The following MRTFB variants were observed in gnomAD, a reference collection of about 807,000 sequenced individuals.
MRTFB encodes myocardin related transcription factor B, also known as myocardin-related transcription factor B.
A neutral mutation model predicts 104.2 loss-of-function variants in MRTFB; 29 were observed. That is an observed-to-expected ratio of 0.28 (90% CI 0.21 to 0.38). MRTFB has a LOEUF of 0.38. MRTFB is among the 10% of genes least tolerant of loss of function. The probability of loss-of-function intolerance (pLI) is 1.00; values close to 1 mark genes in which losing one functional copy is unlikely to be tolerated. For synonymous variants in MRTFB, 535 were observed against 519.5 expected, an observed-to-expected ratio of 1.03 and a Z score of -0.41; for missense variants, 1,270 against 1,341.6, an observed-to-expected ratio of 0.95 and a Z score of 0.83.
Position 14,209,973 on chromosome 16 carries a change from GAATGTTTTA to G in MRTFB, c.155-267_155-259del, listed in dbSNP as rs534555623. ...CTATTTTTATTTTCTTGAGTACTAT[GAATGTTTTA>G]AACAACAAATACATAGCTTTGGTCA... On this transcript the variant is annotated intron_variant, in intron 3 of 16. Transcript: ENST00000571589. Among the ~76,000 whole-genome samples, 361 of 152,218 alleles carry G rather than the reference GAATGTTTTA, an allele frequency of 2.4e-3. 3 individuals are homozygous for G. Among genetic ancestry groups the G allele is most frequent in the African/African-American group, 8.3e-3 (346 of 41,548 alleles).
At chr16:14,181,067 A>G (rs2039754280) in intron 3 of MRTFB, among the ~76,000 whole-genome samples, 1 of 152,196 alleles carries the variant, frequency 6.6e-6, no homozygotes, top group African/African-American at 2.4e-5. Flanking sequence ...TATGTTCAGT[A>G]TATATTTTTA....
chr16:14,172,190 ATCTCATTGATT>A (rs2039445239), intron 3 of MRTFB, among the ~76,000 whole-genome samples: 1 of 151,874 alleles, frequency 6.6e-6, no homozygotes, highest in South Asian at 2.1e-4. Context: ...AAGGTAATAA[ATCTCATTGATT>A]TCTAATTTGT....
At chr16:14,024,566 C>G in the MRTFB span, among the ~76,000 whole-genome samples, 1 of 152,122 alleles carries the variant, frequency 6.6e-6, no homozygotes, top group African/African-American at 2.4e-5. Flanking sequence ...CAGAAAATGC[C>G]TTAGAATTGC....
intron 10 of MRTFB, 173 bp downstream of exon 10, chr16:14,240,657 C>G (rs921932739): frequency 1.8e-6 from 2 of 1,106,510 alleles, no homozygotes; most frequent in Non-Finnish European, 1.4e-6. Flanking sequence ...TGAGAGTGGC[C>G]TGCATTCCAT....
At chr16:14,167,947 GGAGTGCT>G (rs1479001151) in intron 3 of MRTFB, among the ~76,000 whole-genome samples, 1 of 151,794 alleles carries the variant, frequency 6.6e-6, no homozygotes, top group African/African-American at 2.4e-5. Flanking sequence ...TCAGCCTTCC[GGAGTGCT>G]GAGATTACAG....
chr16:14,146,833 G>T (rs1302409035), intron 3 of MRTFB, among the ~76,000 whole-genome samples: 1 of 152,192 alleles, frequency 6.6e-6, no homozygotes. Flanking sequence ...GAGGCCATAG[G>T]TGAGCTGGTA....
At chr16:14,245,850 C>G (rs1597366821) in intron 11 of MRTFB, among the ~76,000 whole-genome samples, 190 bp downstream of exon 11, 1 of 152,340 alleles carries the variant, frequency 6.6e-6, no homozygotes, top group Non-Finnish European at 1.5e-5. Flanking sequence ...CAATAACTGT[C>G]ATTTACTGAG....
chr16:14,258,209 C>T, intron 16 of MRTFB, 48 bp downstream of exon 16: 1 of 1,524,316 alleles, frequency 6.6e-7, no homozygotes, highest in Non-Finnish European at 9.1e-7. Context: ...ATCTCTTAAC[C>T]CAAGTTCATG....
the MRTFB span, among the ~76,000 whole-genome samples, chr16:14,056,056 G>A: frequency 6.6e-6 from 1 of 152,110 alleles, no homozygotes; most frequent in South Asian, 2.1e-4. Flanking sequence ...TCGGCTCACT[G>A]CAACCTCTGC....
intron 3 of MRTFB, among the ~76,000 whole-genome samples, chr16:14,156,610 C>G (rs534905586): frequency 5.9e-5 from 9 of 152,244 alleles, no homozygotes; most frequent in African/African-American, 1.9e-4. Flanking sequence ...TCCATTGGTT[C>G]AAGAAGTCAT....
chr16:14,151,812 T>C (rs780645497), intron 3 of MRTFB: 7 of 152,170 alleles, frequency 4.6e-5, no homozygotes, highest in Non-Finnish European at 1.0e-4. Flanking sequence ...TTTTCAAATA[T>C]TAAAGCATGT....
upstream of MRTFB, among the ~76,000 whole-genome samples, chr16:14,068,210 TAA>T (rs2033542117): frequency 6.6e-6 from 1 of 152,200 alleles, no homozygotes; most frequent in African/African-American, 2.4e-5. Context: ...GAGGAAAGGA[TAA>T]AATATCACAA....
chr16:14,087,147 G>A (rs1443090525), intron 2 of MRTFB, among the ~76,000 whole-genome samples: 3 of 152,148 alleles, frequency 2.0e-5, no homozygotes, highest in Non-Finnish European at 4.4e-5. Context: ...GCCAACACTC[G>A]GGGCTTACTT....
At chr16:14,090,057 A>G (rs1345823919) in intron 2 of MRTFB, among the ~76,000 whole-genome samples, 2 of 152,102 alleles carry the variant, frequency 1.3e-5, no homozygotes, top group Non-Finnish European at 2.9e-5. Flanking sequence ...CTTATCAGAT[A>G]TATGAATTGT....
chr16:14,164,955 A>G (rs929336738), intron 3 of MRTFB, among the ~76,000 whole-genome samples: 1 of 151,962 alleles, frequency 6.6e-6, no homozygotes. Context: ...ACAAAATTAA[A>G]AAAAAAAAAA....
At chr16:14,237,234 A>C (rs1258484518) in intron 9 of MRTFB, among the ~76,000 whole-genome samples, 1 of 152,240 alleles carries the variant, frequency 6.6e-6, no homozygotes, top group African/African-American at 2.4e-5. Context: ...TACAGGTGAA[A>C]AAGCTGTGCA....
intron 12 of MRTFB, 68 bp downstream of exon 12, chr16:14,247,575 G>T: frequency 6.4e-6 from 9 of 1,415,666 alleles, no homozygotes; most frequent in Non-Finnish European, 8.5e-6. Flanking sequence ...GCTAAGGAAG[G>T]CACCATACCT....
At chr16:14,012,525 C>T in the MRTFB span, among the ~76,000 whole-genome samples, 1 of 151,942 alleles carries the variant, frequency 6.6e-6, no homozygotes, top group African/African-American at 2.4e-5. Context: ...GTCTCGATCT[C>T]CTGACCTCGA....
chr16:14,174,576 G>A (rs931110855), intron 3 of MRTFB, among the ~76,000 whole-genome samples: 2 of 152,056 alleles, frequency 1.3e-5, no homozygotes, highest in South Asian at 2.1e-4. Flanking sequence ...CCAGCTACTC[G>A]GGAGGCTGAG....
Sources: allele counts gnomAD v4.1 joint callset (sites outside exome capture counted in the v4.1 genomes callset), GRCh38; gene constraint gnomAD v4.1.1; transcripts MANE v1.5; gene names NCBI Gene and HGNC (gene_info 2026-07-23, HGNC 2026-07-21).